The following CCSER2 variants were observed in gnomAD, a reference collection of about 807,000 sequenced individuals.
CCSER2 encodes serine-rich coiled-coil domain-containing protein 2.
In CCSER2, 46 loss-of-function variants were observed where a neutral mutation model predicts 92.3. The ratio of observed to expected loss-of-function variants is 0.50; its 90% CI spans 0.39 to 0.64. The LOEUF (loss-of-function observed/expected upper bound fraction) is 0.64. Among genes scored for constraint, CCSER2 ranks in the 30% least tolerant of loss-of-function variants. CCSER2 has a pLI of 0.00. For missense variants in CCSER2, 1,244 were observed against 1,238.9 expected (o/e 1.00, Z -0.06); for synonymous variants, 433 against 431.4 (o/e 1.00, Z -0.04).
rs550534706 is a variant in CCSER2 at position 84,464,506 on chromosome 10, A to ACATATTT, written c.2148+491_2148+497dup. Among the ~76,000 whole-genome samples the ACATATTT allele has an allele frequency of 4.6e-5, 7 of 152,256 alleles. No homozygotes were observed. The South Asian group carries it at 1.4e-3, about 32-fold the overall frequency. The stretch of plus-strand genomic sequence containing the variant: ...TCTTTTATTTTGCAACTATTTAAGC[A>ACATATTT]CATATTTATTTCTTAAGCACACACA... On this transcript the variant is annotated intron_variant, in intron 7 of 9. Coordinates refer to ENST00000372088, the MANE Select transcript of CCSER2 (RefSeq NM_001284240.2).
chr10:84,469,590 A>G (rs919563164), intron 7 of CCSER2, among the ~76,000 whole-genome samples: 10 of 152,144 alleles, frequency 6.6e-5, no homozygotes, highest in Non-Finnish European at 1.2e-4. Flanking sequence ...GATGTTATTC[A>G]CATCTATATT....
chr10:84,500,828 T>C (rs541316006), intron 9 of CCSER2, among the ~76,000 whole-genome samples: 4 of 152,360 alleles, frequency 2.6e-5, no homozygotes, highest in Admixed American at 1.3e-4. Flanking sequence ...TCCATTTCCA[T>C]GTGAAGTATC....
chr10:84,402,780 G>A (rs539305104), intron 3 of CCSER2, among the ~76,000 whole-genome samples: 14 of 152,244 alleles, frequency 9.2e-5, no homozygotes, highest in South Asian at 8.3e-4. Flanking sequence ...AGTTAATGAA[G>A]TTCAGCCAGT....
intron 9 of CCSER2, among the ~76,000 whole-genome samples, chr10:84,499,611 G>C (rs375658709): frequency 2.0e-5 from 3 of 151,706 alleles, no homozygotes; most frequent in Non-Finnish European, 4.4e-5. Context: ...AATGTATACC[G>C]GAAAGAATAT....
intron 3 of CCSER2, among the ~76,000 whole-genome samples, chr10:84,412,174 A>C (rs1304122569): frequency 6.6e-6 from 1 of 151,922 alleles, no homozygotes; most frequent in East Asian, 1.9e-4. Flanking sequence ...TTGATGTGCT[A>C]CTGCCTTCTG....
In CCSER2 at chr10:84,373,953, C is replaced by G. The variant is rs779312948; in HGVS notation, c.1614+138C>G. 6.1e-6 allele frequency: 9 copies of G among 1,463,418 alleles called. No individual in the cohort carries two copies. In the East Asian group the frequency reaches 7.5e-5, roughly 12 times the overall value. 90.7% of individuals were successfully genotyped at this position (1,463,418 alleles called of 1,614,324 possible). ...ATGGAAATTCATATTTGTTAAGAGC[C>G]TATAAAATATCTGACTCTAATATGA... is the stretch of plus-strand genomic sequence containing the variant. On this transcript the variant is annotated intron_variant, in intron 3 of 9. Coordinates refer to ENST00000372088, the MANE Select transcript of CCSER2 (RefSeq NM_001284240.2).
At chr10:84,445,938 T>C (rs1477060196) in intron 6 of CCSER2, among the ~76,000 whole-genome samples, 1 of 152,222 alleles carries the variant, frequency 6.6e-6, no homozygotes, top group Non-Finnish European at 1.5e-5. Context: ...GGTGAACATA[T>C]GTATGCATTT....
intron 6 of CCSER2, among the ~76,000 whole-genome samples, chr10:84,462,345 A>G (rs1362954646): frequency 6.6e-6 from 1 of 152,178 alleles, no homozygotes; most frequent in African/African-American, 2.4e-5. Flanking sequence ...GCAAAGCAGT[A>G]TGTGCTTGTG....
chr10:84,431,644 A>G (rs1277176084), intron 5 of CCSER2, among the ~76,000 whole-genome samples: 3 of 151,938 alleles, frequency 2.0e-5, no homozygotes, highest in Non-Finnish European at 4.4e-5. Flanking sequence ...TGGGAGGCTG[A>G]GGTGGGGGGA....
intron 3 of CCSER2, among the ~76,000 whole-genome samples, chr10:84,383,283 A>G (rs567829042): frequency 6.6e-6 from 1 of 151,452 alleles, no homozygotes; most frequent in Non-Finnish European, 1.5e-5. Flanking sequence ...TAAGGAAGAG[A>G]CCAGAGATGC....
At chr10:84,493,668 G>A (rs1335314976) in intron 9 of CCSER2, among the ~76,000 whole-genome samples, 1 of 152,156 alleles carries the variant, frequency 6.6e-6, no homozygotes, top group African/African-American at 2.4e-5. Flanking sequence ...ACTATATAGG[G>A]CAGCAGTCCC....
intron 6 of CCSER2, 58 bp from the exon 7 acceptor site, chr10:84,463,875 A>C: frequency 8.5e-7 from 1 of 1,181,638 alleles, no homozygotes; most frequent in Non-Finnish European, 1.3e-6. Context: ...TTCAGGTTGA[A>C]CTGAATGTCC....
At chr10:84,423,678 T>G (rs1843269651) in intron 4 of CCSER2, among the ~76,000 whole-genome samples, 1 of 152,190 alleles carries the variant, frequency 6.6e-6, no homozygotes, top group Non-Finnish European at 1.5e-5. Flanking sequence ...AGGAAAAATA[T>G]GAATTCAGAA....
chr10:84,509,984 T>G (rs777313672), intron 9 of CCSER2, among the ~76,000 whole-genome samples: 63 of 152,310 alleles, frequency 4.1e-4, no homozygotes, highest in Non-Finnish European at 7.6e-4. Context: ...CTGGTTACAT[T>G]CCTCACTGGT....
In CCSER2 at chr10:84,518,270, A is replaced by G. The variant is rs1452466946; in HGVS notation, c.*4003A>G. 6.6e-6 allele frequency: 1 copy of G among 152,598 alleles called. No homozygotes were observed. Among genetic ancestry groups the G allele is most frequent in the Non-Finnish European group, 1.5e-5 (1 of 68,042 alleles). 9.5% of individuals were successfully genotyped at this position (152,598 alleles called of 1,614,324 possible). A position where few individuals can be genotyped will look rare whatever the true frequency, so the allele number is the denominator to read the frequency against. On this transcript the variant is annotated 3_prime_UTR_variant, in exon 10 of 10. Coordinates refer to ENST00000372088, the MANE Select transcript of CCSER2 (RefSeq NM_001284240.2). ...TTTTAATCTTGTTGGGAATAAGCTT[A>G]CCCACTTTCTCCTTGGTAAAGCGTT...
At position 84,372,186 on chromosome 10, in the gene CCSER2, C is replaced by T; in HGVS notation, c.1134C>T (p.Asn378=). The T allele has an allele frequency of 1.2e-6, 2 of 1,613,568 alleles. No individual in the cohort carries two copies. Among genetic ancestry groups the T allele is most frequent in the Non-Finnish European group, 1.7e-6 (2 of 1,179,758 alleles). The change falls in exon 2 of 10, where the codon AAC becomes AAT. Residue 378 remains asparagine (N), a synonymous_variant. Transcript: ENST00000372088. ...ATGAAAGTTATAGAACAAAAAACAA[C>T]CAGACCATGAAACATGATGCTAAAA... ...IENESYRTKN[N]QTMKHDAKMR...
At chr10:84,429,874 A>G (rs1843669514) in intron 5 of CCSER2, among the ~76,000 whole-genome samples, 1 of 40,024 alleles carries the variant, frequency 2.5e-5, no homozygotes, top group Non-Finnish European at 9.4e-5. Context: ...AAAAATTTGA[A>G]AAAAAAAAAA....
At chr10:84,489,510 T>C (rs912125255) in intron 9 of CCSER2, among the ~76,000 whole-genome samples, 1 of 152,200 alleles carries the variant, frequency 6.6e-6, no homozygotes, top group Non-Finnish European at 1.5e-5. Flanking sequence ...CTTTGTCTCT[T>C]TTGATCTTTG....
At position 84,438,523 on chromosome 10, in the gene CCSER2, A is replaced by G. The variant is rs1431496776; in HGVS notation, c.1880A>G (p.Tyr627Cys). ...CCCTGCCCTTCCAGAGGCTCTCCCT[A>G]TAGAGAATCTCCTTTGGGTCATTTT... ...GKSDLSRGSP[Y>C]RESPLGHFES... The change falls in exon 6 of 10, where the codon TAT becomes TGT. Residue 627 changes from tyrosine (Y) to cysteine (C), a missense_variant. Tyr to Cys is a radical substitution (Grantham distance 194). Transcript: ENST00000372088. 1.5e-5 allele frequency: 24 copies of G among 1,604,250 alleles called. No homozygotes were observed. The highest frequency in any genetic ancestry group is 5.1e-5 in the Admixed American group (3 of 58,980).
Sources: allele counts gnomAD v4.1 joint callset (sites outside exome capture counted in the v4.1 genomes callset), GRCh38; gene constraint gnomAD v4.1.1; transcripts MANE v1.5; gene names NCBI Gene and HGNC (gene_info 2026-07-23, HGNC 2026-07-21).